The following PDK1 variants were observed in gnomAD, a reference collection of about 807,000 sequenced individuals.
PDK1 encodes pyruvate dehydrogenase kinase 1.
Under a neutral mutation model 54.2 loss-of-function variants are expected in PDK1, and 39 were observed. That is an observed-to-expected ratio of 0.72 (90% confidence interval 0.56 to 0.94). The LOEUF is 0.94. Ranked by LOEUF, PDK1 falls within the 40% of genes least tolerant of loss-of-function variation. The pLI is 0.00. For synonymous variants in PDK1, 221 were observed against 207.1 expected (o/e 1.07, Z -0.58); for missense variants, 552 against 566.0 (o/e 0.98, Z 0.25).
chr2:172,562,144 C>A, intron 2 of PDK1, 76 bp from the exon 3 acceptor site: 1 of 778,516 alleles, frequency 1.3e-6, no homozygotes, highest in Non-Finnish European at 2.2e-6. Flanking sequence ...CTAAAAATAG[C>A]TTTTGAGCTA....
the PDK1 span, among the ~76,000 whole-genome samples, chr2:172,715,009 C>T: frequency 6.6e-6 from 1 of 152,162 alleles, no homozygotes; most frequent in Non-Finnish European, 1.5e-5. Context: ...CAGAATTTCC[C>T]TATGAGTCTG....
chr2:172,640,604 G>C, the PDK1 span, among the ~76,000 whole-genome samples: 1 of 152,176 alleles, frequency 6.6e-6, no homozygotes, highest in African/African-American at 2.4e-5. Flanking sequence ...AGGGTGTTTT[G>C]CTTAAATAAC....
the PDK1 span, among the ~76,000 whole-genome samples, chr2:172,646,829 C>T: frequency 2.1e-3 from 296 of 143,892 alleles, 1 homozygote; most frequent in Middle Eastern, 0.026. Flanking sequence ...CCTCTGCCTC[C>T]GAGGTTCAAG....
At chr2:172,719,316 CT>C in the PDK1 span, among the ~76,000 whole-genome samples, 10 of 152,050 alleles carry the variant, frequency 6.6e-5, no homozygotes, top group African/African-American at 2.4e-4. Flanking sequence ...TTTTATTTCT[CT>C]TTGGTAAATG....
chr2:172,658,340 C>T, the PDK1 span, among the ~76,000 whole-genome samples: 11 of 152,142 alleles, frequency 7.2e-5, no homozygotes, highest in African/African-American at 1.9e-4. Context: ...AAATTTCTTA[C>T]GCCTGTCTTA....
intron 8 of PDK1, among the ~76,000 whole-genome samples, chr2:172,578,511 T>G (rs115161534): frequency 3.3e-3 from 502 of 152,312 alleles, no homozygotes; most frequent in Non-Finnish European, 5.9e-3. Context: ...TTTTGAGACA[T>G]CCTTATACTT....
At position 172,558,690 on chromosome 2, in the gene PDK1, C is replaced by T. The variant is rs757929649; in HGVS notation, c.197-18C>T. 1.9e-6 allele frequency: 3 copies of T among 1,586,880 alleles called. No homozygotes were observed. Among genetic ancestry groups the T allele is most frequent in the African/African-American group, 2.7e-5 (2 of 72,892 alleles). The stretch of plus-strand genomic sequence containing the variant: ...TATGGCTTTTACTTACTGCTTTACC[C>T]ATCATGTTTGGTTTCAGGATCAGTG... On this transcript the variant is annotated intron_variant, in intron 1 of 10. Coordinates refer to ENST00000282077, the MANE Select transcript of PDK1 (RefSeq NM_002610.5).
the PDK1 span, among the ~76,000 whole-genome samples, chr2:172,615,778 G>T: frequency 6.6e-6 from 1 of 152,140 alleles, no homozygotes; most frequent in African/African-American, 2.4e-5. Flanking sequence ...AACTAAATTG[G>T]CTATATAATG....
chr2:172,663,550 G>A, the PDK1 span, among the ~76,000 whole-genome samples: 2 of 151,660 alleles, frequency 1.3e-5, no homozygotes, highest in Non-Finnish European at 2.9e-5. Flanking sequence ...GCTCACTGCA[G>A]CCTCCACCTC....
chr2:172,563,782 C>T (rs1040563121), intron 3 of PDK1, among the ~76,000 whole-genome samples: 2 of 151,402 alleles, frequency 1.3e-5, no homozygotes, highest in East Asian at 1.9e-4. Context: ...TGCAGTGAGC[C>T]GAGATTGCGC....
At chr2:172,686,461 A>G in the PDK1 span, among the ~76,000 whole-genome samples, 2 of 152,214 alleles carry the variant, frequency 1.3e-5, no homozygotes, top group Non-Finnish European at 2.9e-5. Context: ...TGTAAAATGG[A>G]CCAATCAGCA....
chr2:172,559,951 A>C (rs1339100675), intron 2 of PDK1, among the ~76,000 whole-genome samples: 46 of 152,086 alleles, frequency 3.0e-4, no homozygotes, highest in Non-Finnish European at 1.5e-5. Flanking sequence ...GGCTCAGGTG[A>C]TCCTCCCACC....
chr2:172,698,129 A>T, the PDK1 span, among the ~76,000 whole-genome samples: 1 of 152,180 alleles, frequency 6.6e-6, no homozygotes, highest in Non-Finnish European at 1.5e-5. Context: ...GGCGAGATGA[A>T]ATACTTCCTA....
At chr2:172,648,793 C>T in the PDK1 span, among the ~76,000 whole-genome samples, 1 of 152,232 alleles carries the variant, frequency 6.6e-6, no homozygotes, top group Non-Finnish European at 1.5e-5. Context: ...GGAGGGGCGT[C>T]TTCCATTGCT....
At chr2:172,642,231 T>C in the PDK1 span, among the ~76,000 whole-genome samples, 15 of 152,298 alleles carry the variant, frequency 9.8e-5, no homozygotes, top group African/African-American at 3.6e-4. Flanking sequence ...ACTTTTGGAA[T>C]TTACCAATAC....
chr2:172,595,081 A>G (rs1690815993), intron 10 of PDK1, among the ~76,000 whole-genome samples: 1 of 152,108 alleles, frequency 6.6e-6, no homozygotes, highest in African/African-American at 2.4e-5. Flanking sequence ...ATTTTTATGT[A>G]TTTATAGAGT....
Position 172,605,235 on chromosome 2 carries a change from T to G in PDK1, c.*9266T>G, listed in dbSNP as rs540850413. ...AGATAGAACCAAATACCATAATGCC[T>G]CCTTCTATTCCACTATGAACAGTCA... On this transcript the variant is annotated 3_prime_UTR_variant, in exon 11 of 11. Coordinates refer to ENST00000282077, the MANE Select transcript of PDK1 (RefSeq NM_002610.5). The G allele has an allele frequency of 9.2e-5, 14 of 152,212 alleles. No homozygotes were observed. Among genetic ancestry groups the G allele is most frequent in the African/African-American group, 3.4e-4 (14 of 41,522 alleles). 9.4% of individuals were successfully genotyped at this position (152,212 alleles called of 1,614,324 possible). A position where few individuals can be genotyped will look rare whatever the true frequency, so the allele number is the denominator to read the frequency against.
At chr2:172,686,629 G>C in the PDK1 span, among the ~76,000 whole-genome samples, 2 of 152,172 alleles carry the variant, frequency 1.3e-5, no homozygotes, top group African/African-American at 4.8e-5. Context: ...TTTACGCTGT[G>C]GAAGCTTTGT....
the PDK1 span, among the ~76,000 whole-genome samples, chr2:172,688,868 T>C: frequency 6.6e-6 from 1 of 152,140 alleles, no homozygotes; most frequent in Non-Finnish European, 1.5e-5. Context: ...CTGCTGAAGG[T>C]GTGTCCAGAG....
Sources: gnomAD v4.1 joint callset for allele counts (sites outside exome capture counted in the v4.1 genomes callset) on GRCh38, gnomAD v4.1.1 for gene constraint, MANE v1.5 for transcripts, NCBI Gene and HGNC (gene_info 2026-07-23, HGNC 2026-07-21) for gene names.